The following MMD variants were observed in gnomAD, a reference collection of about 807,000 sequenced individuals.
The protein encoded by MMD is monocyte to macrophage differentiation factor.
MMD carries 22 observed loss-of-function variants against 33.6 expected under a neutral mutation model. The ratio of observed to expected loss-of-function variants is 0.66; its 90% confidence interval spans 0.47 to 0.94. MMD has a LOEUF of 0.94. Ranked by LOEUF, MMD falls within the 40% of genes least tolerant of loss-of-function variation. The pLI, the probability that MMD is intolerant of heterozygous loss-of-function variation, is 0.00. For missense variants in MMD, 242 were observed against 309.8 expected (o/e 0.78, Z 1.64); for synonymous variants, 97 against 103.2 (o/e 0.94, Z 0.36).
chr17:55,394,131 ATAAT>A lies in MMD; in HGVS notation c.*199_*202del, dbSNP rs1907014181. 2.6e-6 allele frequency: 1 copy of A among 390,324 alleles called. No individual in the cohort carries two copies. Among genetic ancestry groups the A allele is most frequent in the Non-Finnish European group, 4.5e-6 (1 of 223,992 alleles). 24.2% of individuals were successfully genotyped at this position (390,324 alleles called of 1,614,324 possible). On this transcript the variant is annotated 3_prime_UTR_variant, in exon 7 of 7. Coordinates refer to ENST00000262065, the MANE Select transcript of MMD (RefSeq NM_012329.3). ...CCTTCATGATAGTGGAATGGAATGA[ATAAT>A]TAATTCACTACCTTATTTATTTGCT...
rs73993240 is a variant in MMD, at chr17:55,403,698, G to A, written c.446+69C>T. ...TTTGAAGTACAAATAAAAGTAAATTGTATTGCAGTGCAGATAATATTTAGG... is the reference window on the plus strand; with the variant it reads ...TTTGAAGTACAAATAAAAGTAAATTATATTGCAGTGCAGATAATATTTAGG... On this transcript the variant is annotated intron_variant, in intron 5 of 6. Coordinates refer to ENST00000262065, the MANE Select transcript of MMD (RefSeq NM_012329.3). The A allele has an allele frequency of 2.9e-3, 3,039 of 1,060,514 alleles. 60 individuals carry two copies. The African/African-American group carries it at 0.043, about 15-fold the overall frequency. The allele number at this position is 1,060,514 out of a possible 1,614,324, so 65.7% of individuals were successfully genotyped here.
chr17:55,409,943 G>C (rs1907700401), intron 3 of MMD, among the ~76,000 whole-genome samples: 1 of 152,202 alleles, frequency 6.6e-6, no homozygotes, highest in Admixed American at 6.5e-5. Context: ...TGGTTCTCTT[G>C]TGAGTGTGTC....
Position 55,407,026 on chromosome 17 carries a change from G to A in MMD, c.344+720C>T, listed in dbSNP as rs182031543. Among the ~76,000 whole-genome samples, 134 of 151,154 alleles carry A rather than the reference G, an allele frequency of 8.9e-4. 1 individual carries two copies. The highest frequency in any genetic ancestry group is 2.9e-3 in the African/African-American group (119 of 41,174). On this transcript the variant is annotated intron_variant, in intron 4 of 6. Transcript: ENST00000262065. ...AGCCTGGGAGACAGAGTGAGACCCT[G>A]TCTCAAAAAATAAAAAAATAGGCCG...
chr17:55,405,950 T>C (rs550124305), intron 4 of MMD, among the ~76,000 whole-genome samples: 2 of 152,356 alleles, frequency 1.3e-5, no homozygotes, highest in African/African-American at 4.8e-5. Flanking sequence ...AAGATTATAT[T>C]TGATCAGCAC....
intron 1 of MMD, among the ~76,000 whole-genome samples, chr17:55,420,808 C>T (rs1272103384): frequency 1.3e-5 from 2 of 152,126 alleles, no homozygotes; most frequent in African/African-American, 2.4e-5. Context: ...AAGAAAAGCC[C>T]GGAGTTCCTC....
chr17:55,406,720 A>C (rs1907562574), intron 4 of MMD, among the ~76,000 whole-genome samples: 1 of 151,730 alleles, frequency 6.6e-6, no homozygotes, highest in Admixed American at 6.6e-5. Context: ...CCCTATCTCC[A>C]CCAAAAAATA....
intron 1 of MMD, among the ~76,000 whole-genome samples, chr17:55,417,899 C>T (rs1289315029): frequency 6.6e-6 from 1 of 152,188 alleles, no homozygotes; most frequent in Non-Finnish European, 1.5e-5. Flanking sequence ...AGCACTGTAA[C>T]ACAGTGTTCA....
intron 4 of MMD, 34 bp from the exon 5 acceptor site, chr17:55,403,902 G>A: frequency 6.7e-7 from 1 of 1,501,774 alleles, no homozygotes; most frequent in Non-Finnish European, 9.2e-7. Context: ...AAGAACAGAA[G>A]TGATAAATGA....
intron 4 of MMD, among the ~76,000 whole-genome samples, chr17:55,406,335 A>T (rs908164333): frequency 6.6e-6 from 1 of 152,034 alleles, no homozygotes; most frequent in Non-Finnish European, 1.5e-5. Flanking sequence ...CAGAGGTTGC[A>T]GTGAGCTGAG....
At chr17:55,406,743 C>T (rs533158727) in intron 4 of MMD, among the ~76,000 whole-genome samples, 443 of 151,030 alleles carry the variant, frequency 2.9e-3, no homozygotes, top group Middle Eastern at 6.9e-3. Context: ...AAAATTAGCT[C>T]GGTGTGGTGG....
At chr17:55,418,447 C>T (rs1367446193) in intron 1 of MMD, among the ~76,000 whole-genome samples, 1 of 152,192 alleles carries the variant, frequency 6.6e-6, no homozygotes, top group African/African-American at 2.4e-5. Context: ...TTACTGTGGA[C>T]ACAGCAGGTT....
chr17:55,417,490 C>A (rs1908012034), intron 1 of MMD, among the ~76,000 whole-genome samples: 1 of 152,058 alleles, frequency 6.6e-6, no homozygotes, highest in African/African-American at 2.4e-5. Context: ...CTACAGTTTT[C>A]CATTAGAAAC....
intron 6 of MMD, among the ~76,000 whole-genome samples, chr17:55,400,486 T>C (rs1240664465): frequency 1.3e-5 from 2 of 151,182 alleles, no homozygotes; most frequent in African/African-American, 4.9e-5. Flanking sequence ...GAGGCGGAGG[T>C]TGCAGTGAGC....
intron 4 of MMD, among the ~76,000 whole-genome samples, chr17:55,405,681 T>G (rs1907517057): frequency 9.1e-6 from 1 of 110,266 alleles, no homozygotes. Context: ...ATAAAAGCCT[T>G]TCAGTGTTCT....
chr17:55,409,957 A>G (rs4794581), intron 3 of MMD, among the ~76,000 whole-genome samples: 90,781 of 152,042 alleles, frequency 0.6, 27,436 homozygotes, highest in East Asian at 0.8. Flanking sequence ...GTGTGTCCCA[A>G]AGTGCCCTTG....
chr17:55,398,111 CAA>C (rs57881926), intron 6 of MMD, among the ~76,000 whole-genome samples: 2 of 132,130 alleles, frequency 1.5e-5, no homozygotes, highest in Admixed American at 7.8e-5. Flanking sequence ...ATTATTTCTT[CAA>C]AAAAAAAAAA....
intron 1 of MMD, among the ~76,000 whole-genome samples, chr17:55,419,483 G>A (rs1314910995): frequency 6.6e-6 from 1 of 152,190 alleles, no homozygotes; most frequent in Non-Finnish European, 1.5e-5. Flanking sequence ...TCTATCAGGA[G>A]GGAGGAAGCA....
chr17:55,421,566 C>T lies in MMD; in HGVS notation c.26+104G>A. On this transcript the variant is annotated intron_variant, in intron 1 of 6. Coordinates refer to ENST00000262065, the MANE Select transcript of MMD (RefSeq NM_012329.3). ...TCCCTGGCCAAGGTGCGGGATCCACCCAGGATGAATCCAGGTGAGGAGCCG... is the reference window on the plus strand; with the variant it reads ...TCCCTGGCCAAGGTGCGGGATCCACTCAGGATGAATCCAGGTGAGGAGCCG... 8 of 1,509,642 alleles carry T rather than the reference C, an allele frequency of 5.3e-6. No individual in the cohort carries two copies. In the South Asian group the frequency reaches 6.8e-5, roughly 13 times the overall value. 93.5% of individuals were successfully genotyped at this position (1,509,642 alleles called of 1,614,324 possible). A position where few individuals can be genotyped will look rare whatever the true frequency, so the allele number is the denominator to read the frequency against.
chr17:55,407,064 C>CA (rs1361172535), intron 4 of MMD, among the ~76,000 whole-genome samples: 1 of 152,116 alleles, frequency 6.6e-6, no homozygotes, highest in Admixed American at 6.5e-5. Flanking sequence ...CACGGTGGCT[C>CA]ACGCCTGTAA....
Sources: gnomAD v4.1 joint callset for allele counts (sites outside exome capture counted in the v4.1 genomes callset) on GRCh38, gnomAD v4.1.1 for gene constraint, MANE v1.5 for transcripts, NCBI Gene and HGNC (gene_info 2026-07-23, HGNC 2026-07-21) for gene names.